CLEC2B: variants seen among roughly 807,000 people sequenced by gnomAD.
CLEC2B encodes C-type (calcium dependent, carbohydrate-recognition domain) lectin, superfamily member 2 (activation-induced).
A neutral mutation model predicts 16.2 loss-of-function variants in CLEC2B; 14 were observed. The observed-to-expected ratio is 0.86, with a 90% CI of 0.57 to 1.35. The LOEUF (loss-of-function observed/expected upper bound fraction) is 1.35. CLEC2B is among the 40% of genes most tolerant of loss of function. The pLI, the probability that CLEC2B is intolerant of heterozygous loss-of-function variation, is 0.00. For missense variants in CLEC2B, 166 were observed against 182.3 expected (o/e 0.91, Z 0.52); for synonymous variants, 42 against 55.8 (o/e 0.75, Z 1.10).
intron 1 of CLEC2B, among the ~76,000 whole-genome samples, chr12:9,862,875 A>G (rs1230070557): frequency 2.6e-5 from 4 of 152,146 alleles, no homozygotes; most frequent in African/African-American, 9.7e-5. Flanking sequence ...TATACTGGAA[A>G]AAGTGAGATC....
chr12:9,867,587 A>T (rs778610587), intron 1 of CLEC2B, among the ~76,000 whole-genome samples: 2 of 152,148 alleles, frequency 1.3e-5, no homozygotes, highest in Non-Finnish European at 2.9e-5. Context: ...GAATGTGGTT[A>T]GCATAGCTGC....
intron 1 of CLEC2B, among the ~76,000 whole-genome samples, chr12:9,863,479 A>G (rs1267292029): frequency 1.3e-5 from 2 of 152,230 alleles, no homozygotes; most frequent in Non-Finnish European, 2.9e-5. Context: ...ATCTTAATGA[A>G]ATGGCAATAT....
At chr12:9,857,278 T>C (rs1332698750) in intron 3 of CLEC2B, 196 bp downstream of exon 3, 5 of 560,856 alleles carry the variant, frequency 8.9e-6, no homozygotes, top group African/African-American at 5.7e-5. Context: ...GTCTACTACT[T>C]GATGTTAGTC....
chr12:9,857,845 C>T (rs1020718198), intron 2 of CLEC2B, among the ~76,000 whole-genome samples: 5 of 152,014 alleles, frequency 3.3e-5, no homozygotes, highest in Non-Finnish European at 7.4e-5. Context: ...GCATTTCTTT[C>T]AACTTCAACT....
intron 1 of CLEC2B, among the ~76,000 whole-genome samples, chr12:9,865,127 G>T (rs2136981459): frequency 7.0e-6 from 1 of 142,500 alleles, no homozygotes; most frequent in East Asian, 2.1e-4. Flanking sequence ...AGGCTGCAGT[G>T]ATCTGAGATC....
chr12:9,856,288 C>T (rs1867893858), intron 3 of CLEC2B, among the ~76,000 whole-genome samples: 1 of 151,960 alleles, frequency 6.6e-6, no homozygotes, highest in South Asian at 2.1e-4. Flanking sequence ...GTTTAGCTTT[C>T]TTTCCCCCAA....
chr12:9,863,307 C>T (rs1211303054), intron 1 of CLEC2B, among the ~76,000 whole-genome samples: 2 of 152,122 alleles, frequency 1.3e-5, no homozygotes, highest in Admixed American at 1.3e-4. Flanking sequence ...AAAAAATCGA[C>T]AGGTAAATTA....
chr12:9,859,390 A>G (rs540796880), intron 2 of CLEC2B, among the ~76,000 whole-genome samples: 1 of 152,066 alleles, frequency 6.6e-6, no homozygotes, highest in South Asian at 2.1e-4. Context: ...ACCACTAGGA[A>G]AACTGATTTT....
chr12:9,864,563 G>T (rs931506083), intron 1 of CLEC2B, among the ~76,000 whole-genome samples: 1 of 152,142 alleles, frequency 6.6e-6, no homozygotes, highest in Admixed American at 6.5e-5. Context: ...ATGTGTGAGG[G>T]TGGAGTAAAA....
chr12:9,862,680 G>A, intron 1 of CLEC2B, 107 bp from the exon 2 acceptor site: 5 of 923,756 alleles, frequency 5.4e-6, no homozygotes, highest in Non-Finnish European at 7.3e-6. Flanking sequence ...CAAAATATTA[G>A]TGCTGTGATT....
At chr12:9,868,754 G>C (rs1372255674) in intron 1 of CLEC2B, among the ~76,000 whole-genome samples, 2 of 152,116 alleles carry the variant, frequency 1.3e-5, no homozygotes, top group African/African-American at 4.8e-5. Flanking sequence ...TCCTTAGTAA[G>C]AGTAGGAAAG....
In CLEC2B at chr12:9,866,000, G is replaced by A. The variant is rs148882975; in HGVS notation, c.-3+3205C>T. Among the ~76,000 whole-genome samples, 761 of 152,116 alleles carry A rather than the reference G, an allele frequency of 5.0e-3. 12 individuals carry two copies. Among genetic ancestry groups the A allele is most frequent in the African/African-American group, 0.017 (721 of 41,504 alleles). The stretch of plus-strand genomic sequence containing the variant: ...ACTAAAATCTGTGGAATGCAGAAAA[G>A]CAGTACAAAGAAGGAAGTTTATAGT... On this transcript the variant is annotated intron_variant, in intron 1 of 4. Transcript: ENST00000228438.
chr12:9,853,319 C>T lies in CLEC2B; in HGVS notation c.431G>A (p.Cys144Tyr), dbSNP rs757353379. 6.2e-7 allele frequency: 1 copy of T among 1,612,598 alleles called. No homozygotes were observed. Among genetic ancestry groups the T allele is most frequent in the South Asian group, 1.1e-5 (1 of 91,032 alleles). The change falls in exon 5 of 5, where the codon TGC becomes TAC. Residue 144 changes from cysteine (C) to tyrosine (Y), a missense_variant. Cys to Tyr is a radical substitution (Grantham distance 194). Transcript: ENST00000228438. Reference protein sequence around the residue: ...ARCYTERKWICRKRIH With the variant: ...ARCYTERKWIYRKRIH ...ATTAACTTAGTGTATTCTTTTCCTG[C>T]AAATCCATTTTCTTTCGGTGTAACA...
chr12:9,854,910 T>C, intron 3 of CLEC2B: 1 of 195,682 alleles, frequency 5.1e-6, no homozygotes, highest in Non-Finnish European at 1.0e-5. Context: ...CTTCCCAAAC[T>C]ACATAGGTAA....
In CLEC2B at chr12:9,857,569, A is replaced by G. The variant is rs1867903589; in HGVS notation, c.142T>C (p.Tyr48His). ...DWIGFQNKCY[Y>H]FSKEEGDWNS... ...CAATCTCCTTCTTCTTTAGAGAAAT[A>G]ATAGCATTTGTTTTGGAAACCAATC... is the stretch of plus-strand genomic sequence containing the variant. The change falls in exon 3 of 5, where the codon TAT (tyrosine) becomes CAT (histidine). Residue 48 changes from tyrosine to histidine, a missense_variant. Transcript: ENST00000228438. 2 of 1,611,144 alleles carry G rather than the reference A, an allele frequency of 1.2e-6. No homozygotes were observed. Among genetic ancestry groups the G allele is most frequent in the East Asian group, 4.5e-5 (2 of 44,750 alleles).
At chr12:9,861,371 C>T (rs770326162) in intron 2 of CLEC2B, among the ~76,000 whole-genome samples, 5 of 151,900 alleles carry the variant, frequency 3.3e-5, no homozygotes, top group Non-Finnish European at 7.4e-5. Context: ...AAGCCCAAAT[C>T]GGGTAACAAC....
intron 1 of CLEC2B, chr12:9,867,222 C>G (rs1867977433): frequency 6.6e-6 from 1 of 152,056 alleles, no homozygotes; most frequent in African/African-American, 2.4e-5. Flanking sequence ...CTTCATATAA[C>G]CTTGGAAGAA....
rs966691376 is a variant in CLEC2B at position 9,865,778 on chromosome 12, T to C, written c.-2-3205A>G. 2.0e-5 allele frequency among the ~76,000 whole-genome samples: 3 copies of C among 152,018 alleles called. No individual in the cohort carries two copies. In the East Asian group the frequency reaches 5.8e-4, roughly 29 times the overall value. On this transcript the variant is annotated intron_variant, in intron 1 of 4. Coordinates refer to ENST00000228438, the MANE Select transcript of CLEC2B (RefSeq NM_005127.3). ...GGCCAAAAAACAAGTCTCAATAAAT[T>C]AAAAAAAGTAGAAATCTAATCAAGT...
At chr12:9,855,361 T>G (rs868594072) in intron 3 of CLEC2B, among the ~76,000 whole-genome samples, 9 of 152,066 alleles carry the variant, frequency 5.9e-5, no homozygotes, top group Admixed American at 1.3e-4. Flanking sequence ...TGGGCTAAGT[T>G]TTGGCTTTAC....
Sources: allele counts gnomAD v4.1 joint callset (sites outside exome capture counted in the v4.1 genomes callset), GRCh38; gene constraint gnomAD v4.1.1; transcripts MANE v1.5; gene names NCBI Gene and HGNC (gene_info 2026-07-23, HGNC 2026-07-21).